FOXO3: variants seen among roughly 807,000 people sequenced by gnomAD.
The protein encoded by FOXO3 is forkhead box O3.
FOXO3 carries 4 observed loss-of-function variants against 41.9 expected under a neutral mutation model. The ratio of observed to expected loss-of-function variants is 0.10; its 90% CI spans 0.05 to 0.22. The LOEUF (loss-of-function observed/expected upper bound fraction) is 0.22. Among genes scored for constraint, FOXO3 ranks in the 10% least tolerant of loss-of-function variants. FOXO3 has a pLI of 1.00. For missense variants in FOXO3, 534 were observed against 906.8 expected, an observed-to-expected ratio of 0.59 and a Z score of 5.28; for synonymous variants, 318 against 389.3, an observed-to-expected ratio of 0.82 and a Z score of 2.16.
chr6:108,677,894 C>T (rs961526248), intron 2 of FOXO3, among the ~76,000 whole-genome samples: 1 of 151,924 alleles, frequency 6.6e-6, no homozygotes, highest in African/African-American at 2.4e-5. Context: ...TTTTATAGTC[C>T]AAGGTAATAT....
chr6:108,594,406 A>G (rs1776816996), intron 1 of FOXO3, among the ~76,000 whole-genome samples: 1 of 152,198 alleles, frequency 6.6e-6, no homozygotes, highest in Non-Finnish European at 1.5e-5. Context: ...TGAAGTTAAC[A>G]TAGTAGTTTT....
intron 1 of FOXO3, among the ~76,000 whole-genome samples, chr6:108,642,633 A>G (rs1409222525): frequency 6.6e-6 from 1 of 152,178 alleles, no homozygotes; most frequent in Non-Finnish European, 1.5e-5. Flanking sequence ...ATACTTTGAT[A>G]CTCAAGGAAA....
chr6:108,653,845 TA>T (rs1764893021), intron 1 of FOXO3, among the ~76,000 whole-genome samples: 1 of 152,260 alleles, frequency 6.6e-6, no homozygotes, highest in Admixed American at 6.5e-5. Context: ...TCATGGCTTT[TA>T]TAACTTCATG....
intron 1 of FOXO3, among the ~76,000 whole-genome samples, chr6:108,586,085 T>C (rs1159535997): frequency 6.6e-6 from 1 of 152,176 alleles, no homozygotes; most frequent in Non-Finnish European, 1.5e-5. Flanking sequence ...AGATCACTTT[T>C]CCCCAAAGAT....
At chr6:108,641,914 G>A (rs1442816575) in intron 1 of FOXO3, among the ~76,000 whole-genome samples, 2 of 152,094 alleles carry the variant, frequency 1.3e-5, no homozygotes, top group Non-Finnish European at 2.9e-5. Flanking sequence ...ATTAAGACCT[G>A]TCCATATAAA....
Position 108,683,013 on chromosome 6 carries a change from A to C in FOXO3, c.*3221A>C, listed in dbSNP as rs1292048338. 1 of 152,690 alleles carries C rather than the reference A, an allele frequency of 6.5e-6. No individual in the cohort carries two copies. The highest frequency in any genetic ancestry group is 1.9e-4 in the East Asian group (1 of 5,198). 9.5% of individuals were successfully genotyped at this position (152,690 alleles called of 1,614,324 possible). A position where few individuals can be genotyped will look rare whatever the true frequency, so the allele number is the denominator to read the frequency against. ...TATCACAAGCCTTCACTGTCCTGGC[A>C]TGAGAACTGGCTGCCAGGCTCAGTG... is the stretch of plus-strand genomic sequence containing the variant. On this transcript the variant is annotated 3_prime_UTR_variant, in exon 3 of 3. Transcript: ENST00000406360.
intron 1 of FOXO3, among the ~76,000 whole-genome samples, chr6:108,601,296 C>T (rs1244166105): frequency 6.6e-6 from 1 of 151,630 alleles, no homozygotes; most frequent in Non-Finnish European, 1.5e-5. Flanking sequence ...CTTTTTAAAA[C>T]ATTTTATTTT....
chr6:108,592,210 A>G (rs1475845886), intron 1 of FOXO3, among the ~76,000 whole-genome samples: 2 of 152,230 alleles, frequency 1.3e-5, no homozygotes, highest in Admixed American at 6.5e-5. Context: ...GGTGGTGCTT[A>G]CACTGGTGTA....
chr6:108,649,191 G>T (rs568700024), intron 1 of FOXO3, among the ~76,000 whole-genome samples: 1 of 152,072 alleles, frequency 6.6e-6, no homozygotes, highest in Non-Finnish European at 1.5e-5. Context: ...GGGTGACATA[G>T]ATAGGCCCAG....
At chr6:108,677,860 C>A (rs146501508) in intron 2 of FOXO3, among the ~76,000 whole-genome samples, 1 of 152,028 alleles carries the variant, frequency 6.6e-6, no homozygotes, top group East Asian at 1.9e-4. Context: ...AGCTTTTACT[C>A]CCTCTAGAAT....
chr6:108,676,784 G>A (rs1333112689), intron 2 of FOXO3, among the ~76,000 whole-genome samples: 1 of 152,166 alleles, frequency 6.6e-6, no homozygotes, highest in Non-Finnish European at 1.5e-5. Context: ...AATCAGATAA[G>A]CATGTACAAA....
At chr6:108,631,443 A>G (rs1017525943) in intron 1 of FOXO3, among the ~76,000 whole-genome samples, 2 of 152,108 alleles carry the variant, frequency 1.3e-5, no homozygotes, top group African/African-American at 4.8e-5. Flanking sequence ...CTACCCCGCA[A>G]TCCATATGCA....
intron 1 of FOXO3, among the ~76,000 whole-genome samples, chr6:108,563,928 G>A (rs1423505887): frequency 1.3e-5 from 2 of 150,864 alleles, no homozygotes; most frequent in African/African-American, 4.9e-5. Context: ...AAACTTTATG[G>A]TTTTATGTCA....
rs1778984083 is a variant in FOXO3, at chr6:108,664,355, A to T, written c.1522A>T (p.Asn508Tyr). ...TGTGTCTGCCCAGAATTCCCGCCGG[A>T]ACGTGATGCTTCGCAATGATCCGAT... Reference protein sequence around the residue: ...TAVSAQNSRRNVMLRNDPMMS... With the variant: ...TAVSAQNSRRYVMLRNDPMMS... Residue 508 changes from asparagine (N) to tyrosine (Y), a missense_variant, in exon 2 of 3, where the codon AAC becomes TAC. This residue lies in a region of FOXO3 where 94 missense variants were observed against 214.4 expected (regional missense o/e 0.44). Transcript: ENST00000406360. The T allele has an allele frequency of 4.3e-6, 7 of 1,613,128 alleles. No homozygotes were observed. The highest frequency in any genetic ancestry group is 5.9e-6 in the Non-Finnish European group (7 of 1,179,464).
chr6:108,615,595 A>G (rs1307555654), intron 1 of FOXO3, among the ~76,000 whole-genome samples: 5 of 150,838 alleles, frequency 3.3e-5, no homozygotes, highest in African/African-American at 1.2e-4. Flanking sequence ...TTTTTCTTGG[A>G]TCTGAGTGTT....
chr6:108,596,558 G>A (rs1342003534), intron 1 of FOXO3, among the ~76,000 whole-genome samples: 1 of 152,260 alleles, frequency 6.6e-6, no homozygotes, highest in African/African-American at 2.4e-5. Context: ...GAATGAGAAA[G>A]TTTAAGCAGG....
rs1156923290 is a variant in FOXO3 at position 108,678,869 on chromosome 6, CTTTTT to C, written c.*35-940_*35-936del. On this transcript the variant is annotated intron_variant, in intron 2 of 2. Transcript: ENST00000406360. Reference sequence around the variant, plus strand: ...ATAGCAAGACCCCATTTCTTAAATTCTTTTTTTTTTTTTTTTTTTTTTGAGACGGA... The same window carrying C: ...ATAGCAAGACCCCATTTCTTAAATTCTTTTTTTTTTTTTTTTTGAGACGGA... 4.7e-4 allele frequency among the ~76,000 whole-genome samples: 26 copies of C among 55,018 alleles called. No individual in the cohort carries two copies. The South Asian group carries it at 0.012, about 25-fold the overall frequency. The allele number at this position is 55,018 out of a possible 152,430, so 36.1% of individuals were successfully genotyped here.
In FOXO3 at chr6:108,683,171, T is replaced by C. The variant is rs1770931200; in HGVS notation, c.*3379T>C. 6.6e-6 allele frequency: 1 copy of C among 152,654 alleles called. No individual in the cohort carries two copies. The highest frequency in any genetic ancestry group is 6.5e-5 in the Admixed American group (1 of 15,286). 9.5% of individuals were successfully genotyped at this position (152,654 alleles called of 1,614,324 possible). A position where few individuals can be genotyped will look rare whatever the true frequency, so the allele number is the denominator to read the frequency against. Reference sequence around the variant, plus strand: ...AATGGGAGGATCAGTCACACATGTGTAGTACAAGGCGGACTTTGTGTTTGT... The same window carrying C: ...AATGGGAGGATCAGTCACACATGTGCAGTACAAGGCGGACTTTGTGTTTGT... On this transcript the variant is annotated 3_prime_UTR_variant, in exon 3 of 3. Transcript: ENST00000406360.
chr6:108,636,017 C>G (rs1400471651), intron 1 of FOXO3, among the ~76,000 whole-genome samples: 1 of 152,234 alleles, frequency 6.6e-6, no homozygotes, highest in Non-Finnish European at 1.5e-5. Flanking sequence ...TCTTCCCGCA[C>G]AAAGCGGGAT....
Sources: allele counts gnomAD v4.1 joint callset (sites outside exome capture counted in the v4.1 genomes callset), GRCh38; gene constraint gnomAD v4.1.1; regional missense constraint gnomAD v4.1.1; transcripts MANE v1.5; gene names NCBI Gene and HGNC (gene_info 2026-07-23, HGNC 2026-07-21).